EFCAB13: variants seen among roughly 807,000 people sequenced by gnomAD.
The protein encoded by EFCAB13 is EF-hand calcium binding domain 13.
EFCAB13 carries 91 observed loss-of-function variants against 110.2 expected under a neutral mutation model. The observed-to-expected ratio is 0.83, with a 90% CI of 0.70 to 0.98. The LOEUF (loss-of-function observed/expected upper bound fraction) is 0.98, where lower values mean the gene tolerates loss of function less well. Ranked by LOEUF, EFCAB13 falls within the 50% of genes least tolerant of loss-of-function variation. The probability of loss-of-function intolerance (pLI) is 0.00; values close to 1 mark genes in which losing one functional copy is unlikely to be tolerated. For synonymous variants in EFCAB13, 323 were observed against 369.9 expected, an observed-to-expected ratio of 0.87 and a Z score of 1.45; for missense variants, 968 against 1,119.4, an observed-to-expected ratio of 0.86 and a Z score of 1.93.
In EFCAB13 at chr17:47,333,558, A is replaced by G. The variant is rs1193939547; in HGVS notation, c.31-1638A>G. On this transcript the variant is annotated intron_variant, in intron 4 of 24. Transcript: ENST00000331493. ...TTCCCCTATCTTCTTGTAACTTTAC[A>G]GTTTTAGGTCTTGTGTTTAAATCTT... Among the ~76,000 whole-genome samples, 5 of 152,056 alleles carry G rather than the reference A, an allele frequency of 3.3e-5. No homozygotes were observed. In the East Asian group the frequency reaches 9.6e-4, roughly 29 times the overall value.
chr17:47,343,847 GTCT>G (rs1168743819), intron 6 of EFCAB13, among the ~76,000 whole-genome samples: 1 of 152,034 alleles, frequency 6.6e-6, no homozygotes, highest in Non-Finnish European at 1.5e-5. Context: ...TGGTGGCTGA[GTCT>G]TCTTGTTCTC....
rs1334723168 is a variant in EFCAB13 at position 47,404,581 on chromosome 17, T to C, written c.2181T>C (p.Ile727=). ...TTGCAGAAGATAACATGGTGAACAT[T>C]AAAGACTGTATGAGGGCTTTGAGGG... ...DFVSEDNMVN[I]KDCMRALRDT... The change falls in exon 20 of 25, where the codon ATT becomes ATC. Residue 727 remains isoleucine (I), a synonymous_variant. Transcript: ENST00000331493. The C allele has an allele frequency of 2.5e-6, 4 of 1,612,762 alleles. No homozygotes were observed.
intron 17 of EFCAB13, among the ~76,000 whole-genome samples, chr17:47,397,244 C>A (rs1485084833): frequency 2.6e-5 from 4 of 152,326 alleles, no homozygotes. Flanking sequence ...CAGCTCCTAG[C>A]CGCGAGTGAT....
chr17:47,374,957 A>G lies in EFCAB13; in HGVS notation c.1363A>G (p.Ser455Gly), dbSNP rs959063902. ...QVSSTEKTAI[S>G]TLENFCEAIS... ...TTCGTCTACGGAAAAAACTGCAATT[A>G]GTACTCTGGGTAAGTAAAAATCTAG... Residue 455 changes from serine to glycine, a missense_variant, in exon 12 of 25, where the codon AGT (serine) becomes GGT (glycine). Ser to Gly is a moderately conservative substitution (Grantham distance 56, BLOSUM62 0). Coordinates refer to ENST00000331493, the MANE Select transcript of EFCAB13 (RefSeq NM_152347.5). The G allele has an allele frequency of 6.4e-6, 10 of 1,570,984 alleles. No individual in the cohort carries two copies. The highest frequency in any genetic ancestry group is 8.6e-6 in the Non-Finnish European group (10 of 1,165,392).
intron 11 of EFCAB13, among the ~76,000 whole-genome samples, chr17:47,372,956 A>G (rs1388414718): frequency 2.6e-5 from 4 of 152,016 alleles, no homozygotes; most frequent in Non-Finnish European, 2.9e-5. Flanking sequence ...GGATATTTAT[A>G]TATTTGCCCA....
intron 20 of EFCAB13, among the ~76,000 whole-genome samples, chr17:47,406,582 A>G (rs372030582): frequency 5.9e-4 from 90 of 152,324 alleles, no homozygotes; most frequent in African/African-American, 2.2e-3. Flanking sequence ...AAATAAAATT[A>G]GTTGGTTGCA....
In EFCAB13 at chr17:47,409,650, T is replaced by C. The variant is rs2065823214; in HGVS notation, c.2237T>C (p.Phe746Ser). Residue 746 changes from phenylalanine to serine, a missense_variant, in exon 21 of 25, where the codon TTC becomes TCC. Transcript: ENST00000331493. Reference sequence around the variant, plus strand: ...ATGTCTCTCTCTAAATTTGCAGATTTCAGGAAAGAGGCTTCAAATCTAAAA... The same window carrying C: ...ATGTCTCTCTCTAAATTTGCAGATTCCAGGAAAGAGGCTTCAAATCTAAAA... ...DTQKFSNYID[F>S]RKEASNLKLP... is the part of the protein sequence containing the mutation. 6.2e-7 allele frequency: 1 copy of C among 1,610,984 alleles called. No individual in the cohort carries two copies. Among genetic ancestry groups the C allele is most frequent in the Admixed American group, 1.7e-5 (1 of 60,008 alleles).
intron 21 of EFCAB13, among the ~76,000 whole-genome samples, chr17:47,412,301 G>A (rs2065840351): frequency 6.6e-6 from 1 of 152,234 alleles, no homozygotes; most frequent in South Asian, 2.1e-4. Flanking sequence ...CTGGATTGCA[G>A]TTGCCTAGTG....
At chr17:47,427,808 T>C (rs1905011286) in intron 23 of EFCAB13, among the ~76,000 whole-genome samples, 1 of 152,058 alleles carries the variant, frequency 6.6e-6, no homozygotes, top group African/African-American at 2.4e-5. Context: ...GAGTTAACAA[T>C]TATCTTTTTA....
chr17:47,374,806 G>A lies in EFCAB13; in HGVS notation c.1212G>A (p.Lys404=), dbSNP rs2065605081. 6.2e-7 allele frequency: 1 copy of A among 1,613,998 alleles called. No homozygotes were observed. Among genetic ancestry groups the A allele is most frequent in the Non-Finnish European group, 8.5e-7 (1 of 1,179,976 alleles). Residue 404 remains lysine (K), a synonymous_variant, in exon 12 of 25, where the codon AAG becomes AAA. Coordinates refer to ENST00000331493, the MANE Select transcript of EFCAB13 (RefSeq NM_152347.5). Reference sequence around the variant, plus strand: ...AGAAGGGTGAAATTCATGACTCAAAGTCTAAACCACAAAGCTTGAAGAGTA... The same window carrying A: ...AGAAGGGTGAAATTCATGACTCAAAATCTAAACCACAAAGCTTGAAGAGTA... ...HSEKGEIHDS[K]SKPQSLKSST... is the part of the protein sequence containing the mutation.
At chr17:47,404,073 G>C in intron 19 of EFCAB13, 52 bp downstream of exon 19, 1 of 1,394,740 alleles carries the variant, frequency 7.2e-7, no homozygotes, top group South Asian at 1.4e-5. Context: ...GAGTAAAGAA[G>C]ATGTGCAAGG....
chr17:47,333,099 TGTTCTAACAGA>T (rs2065329304), intron 4 of EFCAB13, among the ~76,000 whole-genome samples: 1 of 152,176 alleles, frequency 6.6e-6, no homozygotes, highest in Non-Finnish European at 1.5e-5. Flanking sequence ...TGATAATAGC[TGTTCTAACAGA>T]ATAGCTAACA....
intron 14 of EFCAB13, among the ~76,000 whole-genome samples, chr17:47,384,897 G>A (rs547764107): frequency 1.3e-5 from 2 of 152,080 alleles, no homozygotes; most frequent in South Asian, 2.1e-4. Flanking sequence ...AGCCTCCCAC[G>A]TAGCTGGGAC....
intron 24 of EFCAB13, among the ~76,000 whole-genome samples, chr17:47,433,329 G>A (rs1220250452): frequency 6.6e-6 from 1 of 152,124 alleles, no homozygotes; most frequent in Non-Finnish European, 1.5e-5. Context: ...TTGATCACTT[G>A]AAGTGGTGTC....
At chr17:47,423,868 G>A (rs1904824724) in intron 23 of EFCAB13, among the ~76,000 whole-genome samples, 1 of 152,054 alleles carries the variant, frequency 6.6e-6, no homozygotes, top group African/African-American at 2.4e-5. Flanking sequence ...ACCTTTACCT[G>A]CTACTGCCGC....
intron 14 of EFCAB13, among the ~76,000 whole-genome samples, chr17:47,383,786 G>A (rs780033830): frequency 1.2e-4 from 18 of 152,154 alleles, no homozygotes; most frequent in African/African-American, 1.9e-4. Context: ...GAATAAGTGC[G>A]ATGAAGTGCT....
chr17:47,372,556 A>G (rs1598738460), intron 11 of EFCAB13, among the ~76,000 whole-genome samples: 1 of 152,212 alleles, frequency 6.6e-6, no homozygotes, highest in Admixed American at 6.5e-5. Flanking sequence ...TTACACATTT[A>G]TTTTTTGTGT....
chr17:47,418,091 A>G (rs1378862826), intron 23 of EFCAB13, among the ~76,000 whole-genome samples: 1 of 152,176 alleles, frequency 6.6e-6, no homozygotes, highest in Non-Finnish European at 1.5e-5. Context: ...GATGGAACCA[A>G]TCTAGAAAAA....
At chr17:47,414,603 A>G (rs897158832) in intron 22 of EFCAB13, among the ~76,000 whole-genome samples, 1 of 152,176 alleles carries the variant, frequency 6.6e-6, no homozygotes, top group African/African-American at 2.4e-5. Flanking sequence ...AAAACACCAT[A>G]AAAGGGTTCC....
Sources: gnomAD v4.1 joint callset for allele counts (sites outside exome capture counted in the v4.1 genomes callset) on GRCh38, gnomAD v4.1.1 for gene constraint, MANE v1.5 for transcripts, NCBI Gene and HGNC (gene_info 2026-07-23, HGNC 2026-07-21) for gene names.